ASB18: variants seen among roughly 807,000 people sequenced by gnomAD.
The protein encoded by ASB18 is ankyrin repeat and SOCS box containing 18.
In ASB18, 33 loss-of-function variants were observed where a neutral mutation model predicts 33.4. The observed-to-expected ratio is 0.99, with a 90% CI of 0.75 to 1.32. The LOEUF is 1.32. Ranked by LOEUF, ASB18 falls within the 40% of genes most tolerant of loss-of-function variation. ASB18 has a pLI of 0.00. For missense variants in ASB18, 694 were observed against 655.5 expected (o/e 1.06, Z -0.64); for synonymous variants, 295 against 307.6 (o/e 0.96, Z 0.43).
chr2:236,213,778 C>T lies in ASB18; in HGVS notation c.1101+584G>A, dbSNP rs1338606372. 1.3e-5 allele frequency: 2 copies of T among 154,608 alleles called. No individual in the cohort carries two copies. Among genetic ancestry groups the T allele is most frequent in the Admixed American group, 6.3e-5 (1 of 15,858 alleles). 9.6% of individuals were successfully genotyped at this position (154,608 alleles called of 1,614,324 possible). On this transcript the variant is annotated intron_variant, in intron 4 of 5. Coordinates refer to ENST00000409749, the MANE Select transcript of ASB18 (RefSeq NM_212556.4). The surrounding 1 kb of genome is among the most constrained non-coding windows in gnomAD (Gnocchi z 4.8). ...CAATGACCTGGGCAGGGCACTTCAC[C>T]TGACCGAACCCCAGGTAGAGGGAGA...
chr2:236,237,985 C>G lies in ASB18; in HGVS notation c.329-29G>C. On this transcript the variant is annotated intron_variant, in intron 2 of 5. Coordinates refer to ENST00000409749, the MANE Select transcript of ASB18 (RefSeq NM_212556.4). This position sits in a 1 kb window ranked among gnomAD's most constrained non-coding sequence, Gnocchi z 6.2. ...CGGGGAGGGAGGTGGGATGTAAGGTCAGGGGGAGGTTAGTTGTGGTGGTGG... is the reference window on the plus strand; with the variant it reads ...CGGGGAGGGAGGTGGGATGTAAGGTGAGGGGGAGGTTAGTTGTGGTGGTGG... The G allele has an allele frequency of 6.9e-7, 1 of 1,456,682 alleles. No individual in the cohort carries two copies. The highest frequency in any genetic ancestry group is 9.0e-7 in the Non-Finnish European group (1 of 1,113,440). The allele number at this position is 1,456,682 out of a possible 1,614,324, so 90.2% of individuals were successfully genotyped here.
chr2:236,202,800 T>A (rs866371950), intron 4 of ASB18, among the ~76,000 whole-genome samples: 3,693 of 121,462 alleles, frequency 0.03, 246 homozygotes, highest in African/African-American at 0.11. Flanking sequence ...AAAAAATATA[T>A]ATATATATAT....
In ASB18 at chr2:236,215,953, G is replaced by A. The variant is rs1392381545; in HGVS notation, c.597-1087C>T. Among the ~76,000 whole-genome samples the A allele has an allele frequency of 6.6e-6, 1 of 152,060 alleles. No homozygotes were observed. Among genetic ancestry groups the A allele is most frequent in the African/African-American group, 2.4e-5 (1 of 41,410 alleles). ...CCATCTTTGCTCTATGGAGACCTGA[G>A]CCCTGGACCTCTCGTTTCTCTCTAC... On this transcript the variant is annotated intron_variant, in intron 3 of 5. Coordinates refer to ENST00000409749, the MANE Select transcript of ASB18 (RefSeq NM_212556.4). This position sits in a 1 kb window ranked among gnomAD's most constrained non-coding sequence, Gnocchi z 7.2.
Position 236,235,058 on chromosome 2 carries a change from C to A in ASB18, c.596+2631G>T, listed in dbSNP as rs898657832. On this transcript the variant is annotated intron_variant, in intron 3 of 5. Coordinates refer to ENST00000409749, the MANE Select transcript of ASB18 (RefSeq NM_212556.4). The surrounding 1 kb of genome is among the most constrained non-coding windows in gnomAD (Gnocchi z 6.2). ...TCAATCACATATCTCACAAGAGATT[C>A]ATATCTAGAATATCCCAAGAAACCT... 1.3e-5 allele frequency among the ~76,000 whole-genome samples: 2 copies of A among 152,202 alleles called. No individual in the cohort carries two copies. The highest frequency in any genetic ancestry group is 4.8e-5 in the African/African-American group (2 of 41,448).
Position 236,214,575 on chromosome 2 carries a change from C to T in ASB18, c.888G>A (p.Pro296=), listed in dbSNP as rs548914403. The T allele has an allele frequency of 2.4e-5, 32 of 1,330,438 alleles. 2 individuals carry two copies. In the South Asian group the frequency reaches 5.3e-4, roughly 22 times the overall value. 82.4% of individuals were successfully genotyped at this position (1,330,438 alleles called of 1,614,324 possible). A position where few individuals can be genotyped will look rare whatever the true frequency, so the allele number is the denominator to read the frequency against. The stretch of plus-strand genomic sequence containing the variant: ...TCGCGTGGCCGCAGGCTTTGTGCAG[C>T]GGGCTGCGCTCGTCCTCGTCGCGCG... ...ADARDEDERS[P]LHKACGHASH... The change falls in exon 4 of 6, where the codon CCG becomes CCA. Residue 296 remains proline, a synonymous_variant. Coordinates refer to ENST00000409749, the MANE Select transcript of ASB18 (RefSeq NM_212556.4). The surrounding 1 kb of genome is among the most constrained non-coding windows in gnomAD (Gnocchi z 6.5).
At chr2:236,261,103 AC>A (rs1443717173) in intron 1 of ASB18, among the ~76,000 whole-genome samples, 1 of 152,136 alleles carries the variant, frequency 6.6e-6, no homozygotes, top group Non-Finnish European at 1.5e-5. Flanking sequence ...ATTCATCACC[AC>A]AACCTTCCCA....
rs537511932 is a variant in ASB18, at chr2:236,194,661, C to T, written c.*211G>A. Among the ~76,000 whole-genome samples the T allele has an allele frequency of 6.6e-6, 1 of 152,314 alleles. No individual in the cohort carries two copies. Among genetic ancestry groups the T allele is most frequent in the South Asian group, 2.1e-4 (1 of 4,826 alleles). ...CACGATTTCACTGGATTTTCACAAG[C>T]GACCCTGAGAGGCAGAAAGGGCTTT... On this transcript the variant is annotated 3_prime_UTR_variant, in exon 6 of 6. Coordinates refer to ENST00000409749, the MANE Select transcript of ASB18 (RefSeq NM_212556.4). The surrounding 1 kb of genome is among the most constrained non-coding windows in gnomAD (Gnocchi z 4.5).
At chr2:236,254,833 C>T (rs1008532029) in intron 1 of ASB18, among the ~76,000 whole-genome samples, 1 of 152,074 alleles carries the variant, frequency 6.6e-6, no homozygotes, top group African/African-American at 2.4e-5. Context: ...TTATCATTCC[C>T]AATGAGGGTG....
In ASB18 at chr2:236,231,044, C is replaced by T. The variant is rs946197018; in HGVS notation, c.596+6645G>A. Among the ~76,000 whole-genome samples the T allele has an allele frequency of 5.3e-5, 8 of 152,114 alleles. No individual in the cohort carries two copies. The highest frequency in any genetic ancestry group is 2.9e-5 in the Non-Finnish European group (2 of 68,016). Reference sequence around the variant, plus strand: ...TATGGTAGGCAGTATCTAGCATGGTCCCCCACTGAAGTCTATCTTCTGGTG... The same window carrying T: ...TATGGTAGGCAGTATCTAGCATGGTTCCCCACTGAAGTCTATCTTCTGGTG... On this transcript the variant is annotated intron_variant, in intron 3 of 5. Transcript: ENST00000409749. This position sits in a 1 kb window ranked among gnomAD's most constrained non-coding sequence, Gnocchi z 5.5.
At position 236,256,788 on chromosome 2, in the gene ASB18, G is replaced by T. The variant is rs1254199587; in HGVS notation, c.205+7353C>A. Reference sequence around the variant, plus strand: ...GGGGGAGCTGAGACGCGACCCTGTAGGATTTTTTTTCTTGTCCATATGCCT... The same window carrying T: ...GGGGGAGCTGAGACGCGACCCTGTATGATTTTTTTTCTTGTCCATATGCCT... On this transcript the variant is annotated intron_variant, in intron 1 of 5. Transcript: ENST00000409749. This position sits in a 1 kb window ranked among gnomAD's most constrained non-coding sequence, Gnocchi z 4.7. Among the ~76,000 whole-genome samples the T allele has an allele frequency of 6.6e-6, 1 of 152,142 alleles. No individual in the cohort carries two copies. The highest frequency in any genetic ancestry group is 1.5e-5 in the Non-Finnish European group (1 of 68,044).
chr2:236,196,426 G>T lies in ASB18; in HGVS notation c.1102-41C>A. On this transcript the variant is annotated intron_variant, in intron 4 of 5. Coordinates refer to ENST00000409749, the MANE Select transcript of ASB18 (RefSeq NM_212556.4). This position sits in a 1 kb window ranked among gnomAD's most constrained non-coding sequence, Gnocchi z 5.6. ...GAAAGACGCAGCGTAGGCCGACTGG[G>T]TTCTGGGTCTCAGTGGGGAAAGGGT... The T allele has an allele frequency of 6.2e-6, 7 of 1,120,080 alleles. No individual in the cohort carries two copies. Among genetic ancestry groups the T allele is most frequent in the Non-Finnish European group, 9.3e-6 (7 of 755,992 alleles). The allele number at this position is 1,120,080 out of a possible 1,614,324, so 69.4% of individuals were successfully genotyped here. A position where few individuals can be genotyped will look rare whatever the true frequency, so the allele number is the denominator to read the frequency against.
rs10188406 is a variant in ASB18 at position 236,228,579 on chromosome 2, G to A, written c.596+9110C>T. Among the ~76,000 whole-genome samples, 897 of 152,324 alleles carry A rather than the reference G, an allele frequency of 5.9e-3. 5 individuals carry two copies. The highest frequency in any genetic ancestry group is 0.02 in the African/African-American group (841 of 41,564). On this transcript the variant is annotated intron_variant, in intron 3 of 5. Coordinates refer to ENST00000409749, the MANE Select transcript of ASB18 (RefSeq NM_212556.4). This position sits in a 1 kb window ranked among gnomAD's most constrained non-coding sequence, Gnocchi z 5.1. ...CCGACTGAAATATGTCAAATATTTT[G>A]TGTGCATAGAGGTTGAGAGTGTGGG...
chr2:236,208,004 C>G lies in ASB18; in HGVS notation c.1101+6358G>C, dbSNP rs1323366670. 6.6e-6 allele frequency among the ~76,000 whole-genome samples: 1 copy of G among 152,014 alleles called. No individual in the cohort carries two copies. The highest frequency in any genetic ancestry group is 1.5e-5 in the Non-Finnish European group (1 of 68,002). ...CTCTCATCTGTGCCTTCAAAGCTAT[C>G]TTTTGGAGGACAGGAGCTGTTCTTT... On this transcript the variant is annotated intron_variant, in intron 4 of 5. Coordinates refer to ENST00000409749, the MANE Select transcript of ASB18 (RefSeq NM_212556.4). This position sits in a 1 kb window ranked among gnomAD's most constrained non-coding sequence, Gnocchi z 7.7.
chr2:236,199,423 A>G lies in ASB18; in HGVS notation c.1102-3038T>C, dbSNP rs1394624479. On this transcript the variant is annotated intron_variant, in intron 4 of 5. Transcript: ENST00000409749. ...TGAGACTCTGTTTCAAAAAAAAAAA[A>G]AAAAAGAAAAAGATTTTCCAATACT... is the stretch of plus-strand genomic sequence containing the variant. Among the ~76,000 whole-genome samples, 3 of 150,580 alleles carry G rather than the reference A, an allele frequency of 2.0e-5. No individual in the cohort carries two copies. The East Asian group carries it at 5.8e-4, about 29-fold the overall frequency.
chr2:236,221,762 C>T lies in ASB18; in HGVS notation c.597-6896G>A, dbSNP rs972404540. Among the ~76,000 whole-genome samples the T allele has an allele frequency of 2.6e-5, 4 of 152,184 alleles. No individual in the cohort carries two copies. Among genetic ancestry groups the T allele is most frequent in the Admixed American group, 2.0e-4 (3 of 15,272 alleles). Reference sequence around the variant, plus strand: ...CTCTCCTGTTCTCCTTATGTGACTGCTCCTGGAATCCCTTCTGACAGACAG... The same window carrying T: ...CTCTCCTGTTCTCCTTATGTGACTGTTCCTGGAATCCCTTCTGACAGACAG... On this transcript the variant is annotated intron_variant, in intron 3 of 5. Coordinates refer to ENST00000409749, the MANE Select transcript of ASB18 (RefSeq NM_212556.4). The surrounding 1 kb of genome is among the most constrained non-coding windows in gnomAD (Gnocchi z 5.6).
In ASB18 at chr2:236,195,910, G is replaced by A. The variant is rs990338306; in HGVS notation, c.1215+362C>T. ...TCCTTGGTCGTATCTTGAGCTGCTG[G>A]AGCATGAAGCTGACTCACAGGGCCG... On this transcript the variant is annotated intron_variant, in intron 5 of 5. Transcript: ENST00000409749. The surrounding 1 kb of genome is among the most constrained non-coding windows in gnomAD (Gnocchi z 5.5). 5 of 337,028 alleles carry A rather than the reference G, an allele frequency of 1.5e-5. No homozygotes were observed. Among genetic ancestry groups the A allele is most frequent in the Admixed American group, 3.9e-5 (1 of 25,624 alleles). The allele number at this position is 337,028 out of a possible 1,614,324, so 20.9% of individuals were successfully genotyped here.
rs2060606035 is a variant in ASB18, at chr2:236,238,357, C to A, written c.329-401G>T. 6.6e-6 allele frequency among the ~76,000 whole-genome samples: 1 copy of A among 152,140 alleles called. No homozygotes were observed. Among genetic ancestry groups the A allele is most frequent in the Non-Finnish European group, 1.5e-5 (1 of 68,028 alleles). On this transcript the variant is annotated intron_variant, in intron 2 of 5. Coordinates refer to ENST00000409749, the MANE Select transcript of ASB18 (RefSeq NM_212556.4). This position sits in a 1 kb window ranked among gnomAD's most constrained non-coding sequence, Gnocchi z 5.2. Reference sequence around the variant, plus strand: ...TGTTCCAGGCCCTGAGTTAGGGCAGCTTGAAAGAGGAAAGTGGGTTGTGGA... The same window carrying A: ...TGTTCCAGGCCCTGAGTTAGGGCAGATTGAAAGAGGAAAGTGGGTTGTGGA...
rs760030080 is a variant in ASB18 at position 236,255,547 on chromosome 2, C to T, written c.205+8594G>A. On this transcript the variant is annotated intron_variant, in intron 1 of 5. Coordinates refer to ENST00000409749, the MANE Select transcript of ASB18 (RefSeq NM_212556.4). This position sits in a 1 kb window ranked among gnomAD's most constrained non-coding sequence, Gnocchi z 4.4. The stretch of plus-strand genomic sequence containing the variant: ...TGCCACAGGGATTTTGCTGGTAAAG[C>T]AGGAGAGGAGGGTGGCTGTGAGGGA... Among the ~76,000 whole-genome samples the T allele has an allele frequency of 2.6e-5, 4 of 152,178 alleles. No homozygotes were observed. Among genetic ancestry groups the T allele is most frequent in the Non-Finnish European group, 4.4e-5 (3 of 68,034 alleles).
chr2:236,198,609 G>A (rs572562311), intron 4 of ASB18, among the ~76,000 whole-genome samples: 3 of 152,092 alleles, frequency 2.0e-5, no homozygotes, highest in African/African-American at 4.8e-5. Flanking sequence ...CTCATGATCC[G>A]CCCACCTCAG....
Sources: allele counts gnomAD v4.1 joint callset (sites outside exome capture counted in the v4.1 genomes callset), GRCh38; gene constraint gnomAD v4.1.1; non-coding constraint Gnocchi (gnomAD v3.1); transcripts MANE v1.5; gene names NCBI Gene and HGNC (gene_info 2026-07-23, HGNC 2026-07-21).